OPCML: variants seen among roughly 807,000 people sequenced by gnomAD.
The protein encoded by OPCML is opioid-binding protein/cell adhesion molecule.
A neutral mutation model predicts 37.8 loss-of-function variants in OPCML; 13 were observed. That is an observed-to-expected ratio of 0.34 (90% CI 0.22 to 0.55). The LOEUF (loss-of-function observed/expected upper bound fraction) is 0.55. OPCML is among the 20% of genes least tolerant of loss of function. The probability of loss-of-function intolerance (pLI) is 0.91; values close to 1 mark genes in which losing one functional copy is unlikely to be tolerated. For synonymous variants in OPCML, 176 were observed against 168.8 expected (o/e 1.04, Z -0.33); for missense variants, 341 against 435.6 (o/e 0.78, Z 1.93).
At chr11:133,198,221 T>C (rs1431794549) in intron 1 of OPCML, among the ~76,000 whole-genome samples, 1 of 152,216 alleles carries the variant, frequency 6.6e-6, no homozygotes, top group African/African-American at 2.4e-5. Context: ...TGATTGCTGG[T>C]CCTGTACAAT....
chr11:132,929,440 C>T (rs1172213717), intron 2 of OPCML, among the ~76,000 whole-genome samples: 1 of 152,046 alleles, frequency 6.6e-6, no homozygotes, highest in East Asian at 1.9e-4. Flanking sequence ...AGCCCATGAC[C>T]AGATAGCATC....
chr11:133,099,445 T>G (rs1250181058), intron 1 of OPCML, among the ~76,000 whole-genome samples: 1 of 140,324 alleles, frequency 7.1e-6, no homozygotes, highest in Non-Finnish European at 1.5e-5. Context: ...TTTTTTTCTT[T>G]TTTTTTTTTT....
intron 4 of OPCML, among the ~76,000 whole-genome samples, chr11:132,522,317 T>C (rs918270109): frequency 1.3e-5 from 2 of 152,128 alleles, no homozygotes; most frequent in African/African-American, 4.8e-5. Flanking sequence ...ATCAAAGACC[T>C]CTGGACTGTC....
rs893698886 is a variant in OPCML at position 133,250,962 on chromosome 11, A to G, written c.61+281302T>C. On this transcript the variant is annotated intron_variant, in intron 1 of 7. Coordinates refer to ENST00000524381, the MANE Select transcript of OPCML (RefSeq NM_001012393.5). ...TGCCACACCAAGCAGGAGGAGGAAC[A>G]GCTTTTTGCAACACATCTACTGGGG... 3.9e-4 allele frequency among the ~76,000 whole-genome samples: 59 copies of G among 152,220 alleles called. 1 individual carries two copies. The highest frequency in any genetic ancestry group is 1.3e-3 in the African/African-American group (55 of 41,558).
intron 1 of OPCML, among the ~76,000 whole-genome samples, chr11:133,345,332 C>A (rs146494979): frequency 2.6e-5 from 4 of 152,146 alleles, no homozygotes; most frequent in Non-Finnish European, 5.9e-5. Flanking sequence ...TTTAGAAAAA[C>A]CTGGATTAAG....
intron 1 of OPCML, among the ~76,000 whole-genome samples, chr11:133,192,367 G>T (rs1938359434): frequency 6.6e-6 from 1 of 151,806 alleles, no homozygotes; most frequent in Admixed American, 6.6e-5. Flanking sequence ...TACATGAGAT[G>T]GTTTCTATCC....
chr11:132,771,448 A>G (rs890202467), intron 2 of OPCML, among the ~76,000 whole-genome samples: 2 of 152,204 alleles, frequency 1.3e-5, no homozygotes, highest in Admixed American at 1.3e-4. Flanking sequence ...TAGACCAGTG[A>G]CTTACTATGG....
chr11:133,289,919 CT>C (rs1942428149), intron 1 of OPCML, among the ~76,000 whole-genome samples: 1 of 152,164 alleles, frequency 6.6e-6, no homozygotes, highest in South Asian at 2.1e-4. Context: ...CATTTCCCCC[CT>C]GGGCTGTTCT....
At chr11:132,505,961 C>A (rs1591477056) in intron 4 of OPCML, among the ~76,000 whole-genome samples, 1 of 151,882 alleles carries the variant, frequency 6.6e-6, no homozygotes, top group African/African-American at 2.4e-5. Context: ...AGAAGAGACA[C>A]ATCACATCTC....
intron 1 of OPCML, among the ~76,000 whole-genome samples, chr11:133,393,832 T>G (rs762068348): frequency 6.6e-6 from 1 of 152,234 alleles, no homozygotes; most frequent in Non-Finnish European, 1.5e-5. Flanking sequence ...AAGATTCCAA[T>G]GACTACAGCT....
At chr11:132,821,196 C>T (rs7121849) in intron 2 of OPCML, among the ~76,000 whole-genome samples, 3,299 of 152,296 alleles carry the variant, frequency 0.022, 119 homozygotes, top group African/African-American at 0.076. Context: ...ACTGGCAGAA[C>T]GAAGCTGAGA....
chr11:133,245,762 A>G (rs919197348), intron 1 of OPCML, among the ~76,000 whole-genome samples: 3 of 152,216 alleles, frequency 2.0e-5, no homozygotes, highest in Non-Finnish European at 4.4e-5. Context: ...TGTGGCACAT[A>G]TACACCATGG....
At chr11:132,701,007 A>T (rs891202914) in intron 2 of OPCML, among the ~76,000 whole-genome samples, 1 of 152,110 alleles carries the variant, frequency 6.6e-6, no homozygotes, top group African/African-American at 2.4e-5. Context: ...TATCTTCTTG[A>T]TGAACTGAAC....
At chr11:132,660,147 CCT>C (rs1491254221) in intron 2 of OPCML, among the ~76,000 whole-genome samples, 1 of 152,088 alleles carries the variant, frequency 6.6e-6, no homozygotes, top group African/African-American at 2.4e-5. Flanking sequence ...GGGATAGGCC[CCT>C]TTTTTTAAAT....
intron 3 of OPCML, among the ~76,000 whole-genome samples, chr11:132,612,765 C>A (rs1439347334): frequency 6.6e-6 from 1 of 152,182 alleles, no homozygotes; most frequent in African/African-American, 2.4e-5. Context: ...GCCTCACTCA[C>A]AGCCAGAGCA....
intron 2 of OPCML, among the ~76,000 whole-genome samples, chr11:132,796,565 C>CTTTTTTTTTTT (rs71067396): frequency 1.1e-5 from 1 of 88,558 alleles, no homozygotes; most frequent in Non-Finnish European, 2.1e-5. Flanking sequence ...TTTCTTCTTT[C>CTTTTTTTTTTT]TTTTTTTTTT....
At chr11:133,262,323 T>A (rs975441540) in intron 1 of OPCML, among the ~76,000 whole-genome samples, 1 of 152,204 alleles carries the variant, frequency 6.6e-6, no homozygotes, top group African/African-American at 2.4e-5. Context: ...CTTAGAAACA[T>A]TCCTGGGTGT....
At chr11:132,821,014 T>C (rs1193450135) in intron 2 of OPCML, among the ~76,000 whole-genome samples, 2 of 152,216 alleles carry the variant, frequency 1.3e-5, no homozygotes, top group Non-Finnish European at 2.9e-5. Context: ...CACTTGAATG[T>C]ACCATAGACA....
chr11:132,727,484 T>C (rs1944927740), intron 2 of OPCML, among the ~76,000 whole-genome samples: 1 of 152,194 alleles, frequency 6.6e-6, no homozygotes, highest in African/African-American at 2.4e-5. Flanking sequence ...CCTATAGCCA[T>C]GGGCCTTTCC....
Sources: allele counts gnomAD v4.1 joint callset (sites outside exome capture counted in the v4.1 genomes callset), GRCh38; gene constraint gnomAD v4.1.1; transcripts MANE v1.5; gene names NCBI Gene and HGNC (gene_info 2026-07-23, HGNC 2026-07-21).